The following NCAM1 variants were observed in gnomAD, a reference collection of about 807,000 sequenced individuals.
The protein encoded by NCAM1 is antigen recognized by monoclonal antibody 5.1H11.
NCAM1 carries 14 observed loss-of-function variants against 109.8 expected under a neutral mutation model. The ratio of observed to expected loss-of-function variants is 0.13; its 90% CI spans 0.08 to 0.20. The LOEUF (loss-of-function observed/expected upper bound fraction) is 0.20, where lower values mean the gene tolerates loss of function less well. Ranked by LOEUF, NCAM1 falls within the 10% of genes least tolerant of loss-of-function variation. The probability of loss-of-function intolerance (pLI) is 1.00; values close to 1 mark genes in which losing one functional copy is unlikely to be tolerated. For synonymous variants in NCAM1, 418 were observed against 442.9 expected, an observed-to-expected ratio of 0.94 and a Z score of 0.70; for missense variants, 774 against 1,109.9, an observed-to-expected ratio of 0.70 and a Z score of 4.30.
At chr11:113,237,322 C>T (rs1035895470) in intron 14 of NCAM1, among the ~76,000 whole-genome samples, 2 of 152,192 alleles carry the variant, frequency 1.3e-5, no homozygotes, top group African/African-American at 4.8e-5. Flanking sequence ...TAAAAAGGCT[C>T]CCAGCTCCTG....
At chr11:113,108,083 A>G (rs1262957957) in intron 1 of NCAM1, among the ~76,000 whole-genome samples, 1 of 152,224 alleles carries the variant, frequency 6.6e-6, no homozygotes, top group Non-Finnish European at 1.5e-5. Context: ...AACGTTGCCC[A>G]TAAGTCCCCA....
intron 1 of NCAM1, among the ~76,000 whole-genome samples, chr11:113,062,256 T>G (rs1937697567): frequency 6.6e-6 from 1 of 152,210 alleles, no homozygotes; most frequent in Non-Finnish European, 1.5e-5. Flanking sequence ...TGTCCATTCT[T>G]CCTTTCTCCC....
intron 1 of NCAM1, among the ~76,000 whole-genome samples, chr11:113,177,782 G>T (rs868919921): frequency 1.3e-5 from 2 of 152,116 alleles, no homozygotes; most frequent in Non-Finnish European, 2.9e-5. Flanking sequence ...CATGGGCAGG[G>T]TCAGATTTCA....
At position 113,005,653 on chromosome 11, in the gene NCAM1, G is replaced by A. The variant is rs139077703; in HGVS notation, c.52+43989G>A. 6.0e-4 allele frequency among the ~76,000 whole-genome samples: 91 copies of A among 152,252 alleles called. 1 individual carries two copies. The highest frequency in any genetic ancestry group is 2.1e-3 in the African/African-American group (88 of 41,542). Reference sequence around the variant, plus strand: ...GCTGTGTATCTTCTGTTCAGGAGGAGTAGTTTAACTGTAGTATTGAGATGG... The same window carrying A: ...GCTGTGTATCTTCTGTTCAGGAGGAATAGTTTAACTGTAGTATTGAGATGG... On this transcript the variant is annotated intron_variant, in intron 1 of 19. Transcript: ENST00000316851.
chr11:113,153,954 A>G (rs1942325000), intron 1 of NCAM1, among the ~76,000 whole-genome samples: 1 of 152,272 alleles, frequency 6.6e-6, no homozygotes, highest in Non-Finnish European at 1.5e-5. Flanking sequence ...CATTAATTGA[A>G]CAAATATTTA....
At chr11:113,245,266 C>T (rs1056667776) in intron 14 of NCAM1, among the ~76,000 whole-genome samples, 4 of 152,176 alleles carry the variant, frequency 2.6e-5, no homozygotes, top group Admixed American at 6.5e-5. Context: ...CAGGGCGAAA[C>T]CCCCATCTCT....
intron 1 of NCAM1, among the ~76,000 whole-genome samples, chr11:113,043,631 T>C (rs1276005150): frequency 1.3e-5 from 2 of 152,338 alleles, no homozygotes; most frequent in African/African-American, 4.8e-5. Context: ...CCACAGTGCC[T>C]GGCCTGAAAT....
At position 112,984,553 on chromosome 11, in the gene NCAM1, C is replaced by T. The variant is rs1010480345; in HGVS notation, c.52+22889C>T. 2.0e-5 allele frequency among the ~76,000 whole-genome samples: 3 copies of T among 151,992 alleles called. No individual in the cohort carries two copies. The South Asian group carries it at 6.2e-4, about 31-fold the overall frequency. On this transcript the variant is annotated intron_variant, in intron 1 of 19. Transcript: ENST00000316851. ...TCCCATTTCTCTACATGGCTACCCA[C>T]ACTTGTTATCTCTTGTCTTTTTGAC... is the stretch of plus-strand genomic sequence containing the variant.
chr11:113,125,695 A>G (rs1191530087), intron 1 of NCAM1, among the ~76,000 whole-genome samples: 1 of 152,204 alleles, frequency 6.6e-6, no homozygotes, highest in Non-Finnish European at 1.5e-5. Context: ...GTTGGACGTG[A>G]GGGCAGACTT....
At chr11:113,121,308 C>T (rs1940946784) in intron 1 of NCAM1, among the ~76,000 whole-genome samples, 2 of 149,584 alleles carry the variant, frequency 1.3e-5, no homozygotes, top group Non-Finnish European at 1.5e-5. Flanking sequence ...GCAACCTCTG[C>T]CCCCCAGGTT....
rs939101755 is a variant in NCAM1, at chr11:113,278,198, G to A, written c.*2811G>A. On this transcript the variant is annotated 3_prime_UTR_variant, in exon 20 of 20. Coordinates refer to ENST00000316851, the MANE Select transcript of NCAM1 (RefSeq NM_181351.5). ...TTTCTATGGAGCCTTCCGAGTCCCA[G>A]GTTTTCACTTGAGGCTGTCTGTCTG... 2.0e-5 allele frequency: 3 copies of A among 152,154 alleles called. No individual in the cohort carries two copies. Among genetic ancestry groups the A allele is most frequent in the African/African-American group, 2.4e-5 (1 of 41,418 alleles). The allele number at this position is 152,154 out of a possible 1,614,324, so 9.4% of individuals were successfully genotyped here.
intron 1 of NCAM1, among the ~76,000 whole-genome samples, chr11:112,992,742 C>A (rs537024728): frequency 1.3e-5 from 2 of 152,084 alleles, no homozygotes; most frequent in Non-Finnish European, 2.9e-5. Context: ...CTCCTGACCT[C>A]GTGATCCGCC....
chr11:113,173,096 C>A (rs1415268173), intron 1 of NCAM1, among the ~76,000 whole-genome samples: 10 of 151,968 alleles, frequency 6.6e-5, no homozygotes, highest in Non-Finnish European at 1.3e-4. Context: ...CTCGTTGTAC[C>A]CTCCCTACAC....
intron 9 of NCAM1, among the ~76,000 whole-genome samples, chr11:113,225,952 C>A (rs1219906066): frequency 1.3e-5 from 2 of 152,208 alleles, no homozygotes; most frequent in Non-Finnish European, 2.9e-5. Flanking sequence ...TGGAAAGGAA[C>A]AACTGGTACC....
chr11:113,247,034 A>G (rs570837095), intron 15 of NCAM1, among the ~76,000 whole-genome samples: 1 of 152,354 alleles, frequency 6.6e-6, no homozygotes, highest in East Asian at 1.9e-4. Context: ...CCATGAATGG[A>G]GATCTCCGTG....
chr11:112,992,049 AG>A (rs1251019537), intron 1 of NCAM1, among the ~76,000 whole-genome samples: 1 of 152,166 alleles, frequency 6.6e-6, no homozygotes, highest in African/African-American at 2.4e-5. Flanking sequence ...TGAGAGGAAC[AG>A]GGAAGAGGAA....
intron 1 of NCAM1, among the ~76,000 whole-genome samples, chr11:112,965,728 AAGAAC>A (rs1305513266): frequency 6.6e-6 from 1 of 152,206 alleles, no homozygotes; most frequent in Non-Finnish European, 1.5e-5. Flanking sequence ...TTTAGTATTA[AAGAAC>A]TGTGGCTGCT....
At chr11:113,203,225 G>A (rs1463269147) in intron 2 of NCAM1, among the ~76,000 whole-genome samples, 2 of 152,208 alleles carry the variant, frequency 1.3e-5, no homozygotes, top group African/African-American at 2.4e-5. Context: ...GCAGGGAGGG[G>A]CCTTTAAATG....
intron 1 of NCAM1, among the ~76,000 whole-genome samples, chr11:112,994,997 G>C (rs1243425310): frequency 1.3e-5 from 2 of 152,142 alleles, no homozygotes; most frequent in Non-Finnish European, 2.9e-5. Flanking sequence ...TTGATCACAA[G>C]CTCAATAGGG....
Sources: gnomAD v4.1 joint callset for allele counts (sites outside exome capture counted in the v4.1 genomes callset) on GRCh38, gnomAD v4.1.1 for gene constraint, MANE v1.5 for transcripts, NCBI Gene and HGNC (gene_info 2026-07-23, HGNC 2026-07-21) for gene names.